PCDH15: variants seen among roughly 807,000 people sequenced by gnomAD.
The protein encoded by PCDH15 is protocadherin-15.
A neutral mutation model predicts 178.5 loss-of-function variants in PCDH15; 129 were observed. The ratio of observed to expected loss-of-function variants is 0.72; its 90% CI spans 0.63 to 0.84. PCDH15 has a LOEUF of 0.84. Among genes scored for constraint, PCDH15 ranks in the 40% least tolerant of loss-of-function variants. The pLI, the probability that PCDH15 is intolerant of heterozygous loss-of-function variation, is 0.00. For missense variants in PCDH15, 2,230 were observed against 2,099.9 expected (o/e 1.06, Z -1.21); for synonymous variants, 800 against 732.0 (o/e 1.09, Z -1.50).
intron 16 of PCDH15, among the ~76,000 whole-genome samples, chr10:54,087,789 G>A (rs946486146): frequency 1.3e-5 from 2 of 152,160 alleles, no homozygotes; most frequent in African/African-American, 4.8e-5. Flanking sequence ...CACCAATGTA[G>A]GAGATAGGAC....
chr10:55,109,672 C>T (rs1311257519), intron 2 of PCDH15, among the ~76,000 whole-genome samples: 1 of 152,082 alleles, frequency 6.6e-6, no homozygotes, highest in African/African-American at 2.4e-5. Context: ...CCAAGCCTGC[C>T]TTTTCCTTCT....
intron 26 of PCDH15, among the ~76,000 whole-genome samples, chr10:53,874,275 C>T (rs546370363): frequency 3.3e-5 from 5 of 152,180 alleles, no homozygotes; most frequent in African/African-American, 7.2e-5. Context: ...AAATTCTCAC[C>T]GTAAGAGTAA....
At chr10:53,957,018 C>T (rs1432902276) in intron 23 of PCDH15, among the ~76,000 whole-genome samples, 2 of 152,106 alleles carry the variant, frequency 1.3e-5, no homozygotes, top group African/African-American at 4.8e-5. Context: ...CAATTTATGA[C>T]CTTGGCCTCA....
intron 2 of PCDH15, among the ~76,000 whole-genome samples, chr10:54,624,413 A>G (rs2093478889): frequency 6.6e-6 from 1 of 152,236 alleles, no homozygotes; most frequent in African/African-American, 2.4e-5. Flanking sequence ...ATGAACATTA[A>G]AAGTGTCATA....
At chr10:53,876,198 G>GTTT (rs66727745) in intron 26 of PCDH15, among the ~76,000 whole-genome samples, 11 of 145,456 alleles carry the variant, frequency 7.6e-5, no homozygotes, top group Non-Finnish European at 1.4e-4. Context: ...TTGTTTTTTT[G>GTTT]TTTTTTTTTT....
chr10:54,142,499 G>A (rs1437337302), intron 14 of PCDH15, among the ~76,000 whole-genome samples: 1 of 152,056 alleles, frequency 6.6e-6, no homozygotes, highest in African/African-American at 2.4e-5. Flanking sequence ...GATGGTGAGG[G>A]ACAATTTTGA....
chr10:54,435,708 C>T (rs578174810), intron 3 of PCDH15, among the ~76,000 whole-genome samples: 2 of 152,190 alleles, frequency 1.3e-5, no homozygotes, highest in South Asian at 2.1e-4. Context: ...CGGTGGCTCA[C>T]GCCTGTAATT....
intron 2 of PCDH15, among the ~76,000 whole-genome samples, chr10:54,544,731 A>G (rs1437005195): frequency 6.6e-6 from 1 of 152,176 alleles, no homozygotes; most frequent in African/African-American, 2.4e-5. Flanking sequence ...TTCTAACGGC[A>G]TACACGCAAT....
At chr10:54,226,787 G>T (rs901539417) in intron 9 of PCDH15, among the ~76,000 whole-genome samples, 7 of 152,164 alleles carry the variant, frequency 4.6e-5, no homozygotes, top group Non-Finnish European at 8.8e-5. Flanking sequence ...TACGGGCATT[G>T]GATAAATACA....
At chr10:55,609,916 G>A (rs911480097) in intron 2 of PCDH15, among the ~76,000 whole-genome samples, 1 of 151,960 alleles carries the variant, frequency 6.6e-6, no homozygotes, top group African/African-American at 2.4e-5. Flanking sequence ...AAATAGCTCC[G>A]TAAACAATAC....
At chr10:55,008,801 T>C (rs1332318225) in intron 2 of PCDH15, among the ~76,000 whole-genome samples, 1 of 151,972 alleles carries the variant, frequency 6.6e-6, no homozygotes, top group East Asian at 1.9e-4. Context: ...AAAATATACA[T>C]AGTTATTTGG....
chr10:53,933,295 G>C (rs976439388), intron 25 of PCDH15, among the ~76,000 whole-genome samples: 1 of 151,500 alleles, frequency 6.6e-6, no homozygotes, highest in African/African-American at 2.4e-5. Flanking sequence ...ATTAGCATTA[G>C]GTATATCTCC....
At chr10:53,909,486 A>G (rs992354082) in intron 25 of PCDH15, among the ~76,000 whole-genome samples, 1 of 152,200 alleles carries the variant, frequency 6.6e-6, no homozygotes, top group Non-Finnish European at 1.5e-5. Flanking sequence ...TGTAAATTAA[A>G]TGAGGTAACA....
chr10:54,644,886 T>C (rs1297710880), intron 2 of PCDH15, among the ~76,000 whole-genome samples: 1 of 152,144 alleles, frequency 6.6e-6, no homozygotes, highest in Non-Finnish European at 1.5e-5. Flanking sequence ...TTTGCCCTTC[T>C]GCTATGTGAG....
intron 3 of PCDH15, among the ~76,000 whole-genome samples, chr10:54,479,605 A>G (rs930493116): frequency 2.0e-5 from 3 of 151,908 alleles, no homozygotes; most frequent in Non-Finnish European, 4.4e-5. Context: ...AGAATGTTAA[A>G]AAGAATCAAA....
intron 2 of PCDH15, among the ~76,000 whole-genome samples, chr10:55,025,497 T>A (rs547296994): frequency 1.3e-5 from 2 of 152,258 alleles, no homozygotes; most frequent in Non-Finnish European, 2.9e-5. Context: ...ATATGACAAA[T>A]TGACTTTAAT....
At chr10:55,086,655 A>G (rs1032798470) in intron 2 of PCDH15, among the ~76,000 whole-genome samples, 1 of 152,064 alleles carries the variant, frequency 6.6e-6, no homozygotes, top group Non-Finnish European at 1.5e-5. Flanking sequence ...TTAAAGACCA[A>G]TTGAAAGGCC....
In PCDH15 at chr10:54,061,535, T is replaced by A. The variant is rs867349915; in HGVS notation, c.2220+5222A>T. Among the ~76,000 whole-genome samples the A allele has an allele frequency of 8.5e-4, 130 of 152,076 alleles. 1 individual carries two copies. The Middle Eastern group carries it at 0.02, about 24-fold the overall frequency. ...TGGTATTTTTATTTCCTTTTTTTTT[T>A]AAATTTCCAACAAAGATTTCACTAA... On this transcript the variant is annotated intron_variant, in intron 18 of 37. Coordinates refer to ENST00000644397, the MANE Select transcript of PCDH15 (RefSeq NM_001384140.1).
intron 2 of PCDH15, among the ~76,000 whole-genome samples, chr10:55,029,899 T>A (rs1840566320): frequency 6.6e-6 from 1 of 152,130 alleles, no homozygotes; most frequent in Admixed American, 6.6e-5. Flanking sequence ...CAGCCAATAG[T>A]GATGAAAGAA....
Sources: allele counts gnomAD v4.1 joint callset (sites outside exome capture counted in the v4.1 genomes callset), GRCh38; gene constraint gnomAD v4.1.1; transcripts MANE v1.5; gene names NCBI Gene and HGNC (gene_info 2026-07-23, HGNC 2026-07-21).